Variants in MAP3K21 observed in about 807,000 individuals in gnomAD.
MAP3K21 encodes mitogen-activated protein kinase kinase kinase MLK4.
MAP3K21 carries 63 observed loss-of-function variants against 86.1 expected under a neutral mutation model. The observed-to-expected ratio is 0.73, with a 90% CI of 0.60 to 0.90. The LOEUF is 0.90. MAP3K21 is among the 40% of genes least tolerant of loss of function. The probability of loss-of-function intolerance (pLI) is 0.00; values close to 1 mark genes in which losing one functional copy is unlikely to be tolerated. For missense variants in MAP3K21, 1,220 were observed against 1,367.7 expected (o/e 0.89, Z 1.70); for synonymous variants, 558 against 564.8 (o/e 0.99, Z 0.17).
intron 5 of MAP3K21, among the ~76,000 whole-genome samples, chr1:233,365,335 G>A (rs531205257): frequency 2.0e-5 from 3 of 152,294 alleles, no homozygotes; most frequent in African/African-American, 7.2e-5. Flanking sequence ...ACAGAGTGAA[G>A]AGACCACCTG....
intron 5 of MAP3K21, among the ~76,000 whole-genome samples, chr1:233,367,147 A>G (rs1663592480): frequency 1.3e-5 from 2 of 152,204 alleles, no homozygotes; most frequent in African/African-American, 4.8e-5. Flanking sequence ...GTATGTCACT[A>G]AAGCAGTGGC....
intron 1 of MAP3K21, among the ~76,000 whole-genome samples, chr1:233,344,031 G>A (rs1445467745): frequency 3.9e-5 from 6 of 152,332 alleles, no homozygotes; most frequent in Non-Finnish European, 7.3e-5. Context: ...CTAGGCAGAG[G>A]CAGATCAGCC....
chr1:233,356,946 T>G (rs72755614), intron 4 of MAP3K21, among the ~76,000 whole-genome samples: 1 of 152,190 alleles, frequency 6.6e-6, no homozygotes, highest in Non-Finnish European at 1.5e-5. Context: ...TATTAAACAT[T>G]GAAACAAATG....
chr1:233,334,963 C>T lies in MAP3K21; in HGVS notation c.805+6130C>T, dbSNP rs200720707. The stretch of plus-strand genomic sequence containing the variant: ...CATTTTCTCTCTGATTTCTTTCTTT[C>T]TTTTTTTTTTTTATTATACTTTAAG... On this transcript the variant is annotated intron_variant, in intron 1 of 9. Transcript: ENST00000366624. Among the ~76,000 whole-genome samples, 893 of 146,670 alleles carry T rather than the reference C, an allele frequency of 6.1e-3. 20 individuals carry two copies. The East Asian group carries it at 0.064, about 10-fold the overall frequency.
At chr1:233,354,049 C>G in intron 3 of MAP3K21, 94 bp downstream of exon 3, 1 of 1,311,318 alleles carries the variant, frequency 7.6e-7, no homozygotes, top group Non-Finnish European at 1.0e-6. Context: ...TTCTGTGACT[C>G]TAATTTCCAA....
rs749820569 is a variant in MAP3K21 at position 233,346,423 on chromosome 1, A to T, written c.806-19A>T. ...AATTAAAAGAATATGCAAATGTCTC[A>T]CTTTTGATTTTTCTTTAGTTTTGCT... On this transcript the variant is annotated intron_variant, in intron 1 of 9. Coordinates refer to ENST00000366624, the MANE Select transcript of MAP3K21 (RefSeq NM_032435.3). 8 of 1,565,472 alleles carry T rather than the reference A, an allele frequency of 5.1e-6. No individual in the cohort carries two copies. Among genetic ancestry groups the T allele is most frequent in the Non-Finnish European group, 7.0e-6 (8 of 1,149,866 alleles).
intron 1 of MAP3K21, among the ~76,000 whole-genome samples, chr1:233,337,422 T>A (rs1294282): frequency 0.78 from 118,600 of 152,208 alleles, 46,476 homozygotes; most frequent in East Asian, 0.99. Flanking sequence ...GAAACACTTC[T>A]AAGTGTTTTA....
chr1:233,364,701 T>C (rs1158716042), intron 5 of MAP3K21, among the ~76,000 whole-genome samples: 1 of 152,190 alleles, frequency 6.6e-6, no homozygotes, highest in Admixed American at 6.5e-5. Context: ...CTGTATTGTA[T>C]TATACAGCTT....
intron 4 of MAP3K21, among the ~76,000 whole-genome samples, chr1:233,358,059 G>GT (rs528923468): frequency 0.1 from 14,545 of 146,094 alleles, 804 homozygotes; most frequent in Middle Eastern, 0.15. Flanking sequence ...TGCCTGATGG[G>GT]TTTTTTTTTT....
At chr1:233,342,590 C>T (rs1434381753) in intron 1 of MAP3K21, among the ~76,000 whole-genome samples, 15 of 152,132 alleles carry the variant, frequency 9.9e-5, no homozygotes, top group Non-Finnish European at 1.9e-4. Context: ...TTAGAGAAGT[C>T]TTAGGTAAAA....
intron 2 of MAP3K21, among the ~76,000 whole-genome samples, chr1:233,350,230 ATTG>A (rs895051223): frequency 1.3e-5 from 2 of 151,642 alleles, no homozygotes; most frequent in African/African-American, 4.9e-5. Flanking sequence ...CGAAAGTTGT[ATTG>A]TTATTTTTTG....
Position 233,362,171 on chromosome 1 carries a change from G to A in MAP3K21, c.1430G>A (p.Arg477Gln). The stretch of plus-strand genomic sequence containing the variant: ...GAGCGCGAGATCGACGTGCTGGAGC[G>A]GGAACTTAACATTCTGATATTCCAG... Reference protein sequence around the residue: ...LAEREIDVLERELNILIFQLN... With the variant: ...LAEREIDVLEQELNILIFQLN... The change falls in exon 5 of 10, where the codon CGG becomes CAG. Residue 477 changes from arginine (R) to glutamine (Q), a missense_variant. Arg to Gln is a conservative substitution (Grantham distance 43). Transcript: ENST00000366624. 6.2e-7 allele frequency: 1 copy of A among 1,614,190 alleles called. No individual in the cohort carries two copies. The highest frequency in any genetic ancestry group is 8.5e-7 in the Non-Finnish European group (1 of 1,180,032).
intron 1 of MAP3K21, among the ~76,000 whole-genome samples, chr1:233,339,422 C>CCTCCTT (rs1662992597): frequency 2.9e-5 from 2 of 68,262 alleles, no homozygotes; most frequent in African/African-American, 7.4e-5. Context: ...TCCTCCTTCT[C>CCTCCTT]CTCCTCCTTC....
At chr1:233,341,464 T>A (rs1663038764) in intron 1 of MAP3K21, among the ~76,000 whole-genome samples, 1 of 152,112 alleles carries the variant, frequency 6.6e-6, no homozygotes. Context: ...GGGTTGACAT[T>A]TGGAGTGTGA....
intron 1 of MAP3K21, among the ~76,000 whole-genome samples, chr1:233,338,396 G>A (rs1662956314): frequency 6.6e-6 from 1 of 152,146 alleles, no homozygotes; most frequent in South Asian, 2.1e-4. Flanking sequence ...CCTCCCTTAA[G>A]GATCTTGTAT....
intron 5 of MAP3K21, among the ~76,000 whole-genome samples, chr1:233,370,796 G>A (rs949509302): frequency 6.6e-6 from 1 of 152,168 alleles, no homozygotes; most frequent in African/African-American, 2.4e-5. Context: ...CGCAGACCTG[G>A]TTGATGTCTA....
At chr1:233,346,724 C>G (rs1452421885) in intron 2 of MAP3K21, 102 bp downstream of exon 2, 1 of 977,440 alleles carries the variant, frequency 1.0e-6, no homozygotes, top group Non-Finnish European at 1.5e-6. Flanking sequence ...TAGTCGAGGC[C>G]TTTTTGAATG....
intron 1 of MAP3K21, among the ~76,000 whole-genome samples, chr1:233,334,122 C>T (rs1008715670): frequency 6.6e-6 from 1 of 151,204 alleles, no homozygotes; most frequent in Non-Finnish European, 1.5e-5. Context: ...GCCTCGGCCG[C>T]CCAAAGTACT....
chr1:233,328,979 A>T lies in MAP3K21; in HGVS notation c.805+146A>T, dbSNP rs562187290. The T allele has an allele frequency of 1.3e-3, 936 of 718,578 alleles. 3 individuals are homozygous for T. The highest frequency in any genetic ancestry group is 1.7e-3 in the Non-Finnish European group (886 of 515,280). 44.5% of individuals were successfully genotyped at this position (718,578 alleles called of 1,614,324 possible). A position where few individuals can be genotyped will look rare whatever the true frequency, so the allele number is the denominator to read the frequency against. On this transcript the variant is annotated intron_variant, in intron 1 of 9. Coordinates refer to ENST00000366624, the MANE Select transcript of MAP3K21 (RefSeq NM_032435.3). The surrounding 1 kb of genome is among the most constrained non-coding windows in gnomAD (Gnocchi z 8.7). Reference sequence around the variant, plus strand: ...CATGCCCAGGCCTTCAGGGCTCGGAAGTCCAGCTAGTCCTTGGTTACTTGC... The same window carrying T: ...CATGCCCAGGCCTTCAGGGCTCGGATGTCCAGCTAGTCCTTGGTTACTTGC...
Sources: allele counts gnomAD v4.1 joint callset (sites outside exome capture counted in the v4.1 genomes callset), GRCh38; gene constraint gnomAD v4.1.1; non-coding constraint Gnocchi (gnomAD v3.1); transcripts MANE v1.5; gene names NCBI Gene and HGNC (gene_info 2026-07-23, HGNC 2026-07-21).